Variants in ITIH5 observed in about 807,000 individuals in gnomAD.
ITIH5 encodes inter-alpha-trypsin inhibitor heavy chain H5.
Under a neutral mutation model 77.5 loss-of-function variants are expected in ITIH5, and 65 were observed. The observed-to-expected ratio is 0.84, with a 90% CI of 0.69 to 1.03. ITIH5 has a LOEUF of 1.03. Ranked by LOEUF, ITIH5 falls within the 50% of genes least tolerant of loss-of-function variation. ITIH5 has a pLI of 0.00. For missense variants in ITIH5, 1,208 were observed against 1,213.1 expected, an observed-to-expected ratio of 1.00 and a Z score of 0.06; for synonymous variants, 525 against 494.3, an observed-to-expected ratio of 1.06 and a Z score of -0.82.
chr10:7,642,432 G>A (rs187428018), intron 2 of ITIH5, among the ~76,000 whole-genome samples: 68 of 152,278 alleles, frequency 4.5e-4, no homozygotes, highest in Non-Finnish European at 6.6e-4. Flanking sequence ...AGTATGTGCT[G>A]TATATAATAC....
chr10:7,607,656 A>G (rs11255234), intron 7 of ITIH5, among the ~76,000 whole-genome samples: 93,811 of 152,122 alleles, frequency 0.62, 31,257 homozygotes, highest in Non-Finnish European at 0.73. Flanking sequence ...TCTACTAAAA[A>G]TACAAAATTA....
intron 7 of ITIH5, among the ~76,000 whole-genome samples, chr10:7,603,750 T>C (rs2131011543): frequency 6.6e-6 from 1 of 152,078 alleles, no homozygotes; most frequent in South Asian, 2.1e-4. Flanking sequence ...GCCCAGCTAA[T>C]TTTTTTGTAT....
At chr10:7,582,435 G>C (rs1221222322) in intron 8 of ITIH5, among the ~76,000 whole-genome samples, 2 of 136,222 alleles carry the variant, frequency 1.5e-5, no homozygotes, top group Non-Finnish European at 3.1e-5. Context: ...CCTTACTGTA[G>C]TGTGAACACC....
chr10:7,644,366 T>C (rs1833938970), intron 2 of ITIH5, among the ~76,000 whole-genome samples: 1 of 146,336 alleles, frequency 6.8e-6, no homozygotes, highest in Non-Finnish European at 1.5e-5. Context: ...ATCATATATA[T>C]CACATATATA....
chr10:7,593,295 A>C (rs1832831341), intron 7 of ITIH5, among the ~76,000 whole-genome samples: 1 of 151,958 alleles, frequency 6.6e-6, no homozygotes, highest in Non-Finnish European at 1.5e-5. Flanking sequence ...AACCATGTGG[A>C]TGGACTCCTG....
At chr10:7,584,944 A>C (rs1832643340) in intron 8 of ITIH5, among the ~76,000 whole-genome samples, 1 of 152,226 alleles carries the variant, frequency 6.6e-6, no homozygotes, top group Non-Finnish European at 1.5e-5. Context: ...GGAAAGTACC[A>C]GCCCAGCAAG....
chr10:7,579,715 C>T (rs1408934101), intron 9 of ITIH5, 40 bp downstream of exon 9: 1 of 1,596,416 alleles, frequency 6.3e-7, no homozygotes, highest in East Asian at 2.2e-5. Context: ...CCCTCAGCCC[C>T]TCAAACAGCC....
chr10:7,559,720 G>A lies in ITIH5; in HGVS notation c.*3363C>T. 2 of 430,240 alleles carry A rather than the reference G, an allele frequency of 4.6e-6. No individual in the cohort carries two copies. The highest frequency in any genetic ancestry group is 1.7e-5 in the South Asian group (1 of 59,376). 26.7% of individuals were successfully genotyped at this position (430,240 alleles called of 1,614,324 possible). On this transcript the variant is annotated 3_prime_UTR_variant, in exon 14 of 14. Coordinates refer to ENST00000397146, the MANE Select transcript of ITIH5 (RefSeq NM_030569.7). ...TTTCTCACAGTTCTGGAGGCTGGGAGGTCCAAGATCAAGGTGCCAGCAGAC... is the reference window on the plus strand; with the variant it reads ...TTTCTCACAGTTCTGGAGGCTGGGAAGTCCAAGATCAAGGTGCCAGCAGAC...
chr10:7,637,229 T>C lies in ITIH5; in HGVS notation c.651A>G (p.Glu217=), dbSNP rs1338251429. 6.2e-7 allele frequency: 1 copy of C among 1,606,238 alleles called. No individual in the cohort carries two copies. Among genetic ancestry groups the C allele is most frequent in the African/African-American group, 1.3e-5 (1 of 75,020 alleles). The part of the protein sequence containing the change: ...NSRQRGSGRG[E]DDSGPPPSTV... ...ACGAACCCAGCACGCAGGACTCACCTTCCCCGCGCCCACTGCCCCTCTGCC... is the reference window on the plus strand; with the variant it reads ...ACGAACCCAGCACGCAGGACTCACCCTCCCCGCGCCCACTGCCCCTCTGCC... Residue 217 remains glutamate (E), a splice_region_variant and synonymous_variant, in exon 5 of 14, where the codon GAA becomes GAG. Transcript: ENST00000397146.
rs1205655326 is a variant in ITIH5 at position 7,559,429 on chromosome 10, C to A, written c.*3654G>T. 6.6e-6 allele frequency: 1 copy of A among 151,918 alleles called. No homozygotes were observed. Among genetic ancestry groups the A allele is most frequent in the Non-Finnish European group, 1.4e-5 (1 of 69,404 alleles). 9.4% of individuals were successfully genotyped at this position (151,918 alleles called of 1,614,324 possible). On this transcript the variant is annotated 3_prime_UTR_variant, in exon 14 of 14. Coordinates refer to ENST00000397146, the MANE Select transcript of ITIH5 (RefSeq NM_030569.7). ...TGAATGTGAACTGTCTCGTACCCCA[C>A]TAATTATTTAAAACTAAAATAAATA...
intron 7 of ITIH5, among the ~76,000 whole-genome samples, chr10:7,590,825 C>A (rs149514180): frequency 1.3e-5 from 2 of 152,242 alleles, no homozygotes; most frequent in Non-Finnish European, 2.9e-5. Context: ...ATTACTGCCA[C>A]GTGGATTTTC....
At chr10:7,617,827 G>A (rs1189265024) in intron 5 of ITIH5, 2 of 152,104 alleles carry the variant, frequency 1.3e-5, no homozygotes, top group African/African-American at 4.8e-5. Flanking sequence ...TGGTATGGTT[G>A]ATTTGCTTGA....
intron 7 of ITIH5, among the ~76,000 whole-genome samples, chr10:7,612,517 G>A (rs951455482): frequency 2.6e-5 from 4 of 152,068 alleles, no homozygotes; most frequent in Non-Finnish European, 4.4e-5. Flanking sequence ...CATAATATGG[G>A]GGTGAATAAA....
chr10:7,616,709 T>C (rs559485886), intron 6 of ITIH5, among the ~76,000 whole-genome samples: 1 of 152,150 alleles, frequency 6.6e-6, no homozygotes, highest in African/African-American at 2.4e-5. Flanking sequence ...GTGCCTGTAA[T>C]CTCAGCTACT....
At chr10:7,572,169 T>C (rs945731796) in intron 11 of ITIH5, 6 of 1,188,608 alleles carry the variant, frequency 5.0e-6, no homozygotes, top group Non-Finnish European at 5.3e-6. Flanking sequence ...GTGCGGACTC[T>C]ATATCCACAG....
intron 10 of ITIH5, 81 bp from the exon 11 acceptor site, chr10:7,573,276 TGAGCAAA>T: frequency 8.6e-7 from 1 of 1,169,534 alleles, no homozygotes; most frequent in South Asian, 1.2e-5. Flanking sequence ...AGAGGAGACA[TGAGCAAA>T]ACACAGCTTT....
chr10:7,609,332 C>T (rs537728074), intron 7 of ITIH5: 6 of 402,958 alleles, frequency 1.5e-5, no homozygotes, highest in Non-Finnish European at 2.5e-5. Flanking sequence ...AATGTCATTA[C>T]CCACTGTCTG....
At chr10:7,641,850 G>T in intron 3 of ITIH5, 77 bp downstream of exon 3, 1 of 1,193,850 alleles carries the variant, frequency 8.4e-7, no homozygotes, top group Non-Finnish European at 1.2e-6. Flanking sequence ...CAGTCACAAG[G>T]CTGTGGACCT....
chr10:7,635,754 T>G (rs1833788799), intron 5 of ITIH5, among the ~76,000 whole-genome samples: 1 of 152,128 alleles, frequency 6.6e-6, no homozygotes, highest in Non-Finnish European at 1.5e-5. Context: ...GACCACCAGC[T>G]CTAGGCCTTG....
Sources: allele counts gnomAD v4.1 joint callset (sites outside exome capture counted in the v4.1 genomes callset), GRCh38; gene constraint gnomAD v4.1.1; transcripts MANE v1.5; gene names NCBI Gene and HGNC (gene_info 2026-07-23, HGNC 2026-07-21).